Variants in BICC1 observed in about 807,000 individuals in gnomAD.
The protein encoded by BICC1 is BicC family RNA binding protein 1.
A neutral mutation model predicts 111.0 loss-of-function variants in BICC1; 43 were observed. The ratio of observed to expected loss-of-function variants is 0.39; its 90% confidence interval spans 0.30 to 0.50. BICC1 has a LOEUF of 0.50. Ranked by LOEUF, BICC1 falls within the 20% of genes least tolerant of loss-of-function variation. The probability of loss-of-function intolerance (pLI) is 0.88; values close to 1 mark genes in which losing one functional copy is unlikely to be tolerated. For synonymous variants in BICC1, 467 were observed against 434.4 expected, an observed-to-expected ratio of 1.07 and a Z score of -0.93; for missense variants, 1,091 against 1,203.2, an observed-to-expected ratio of 0.91 and a Z score of 1.38.
intron 2 of BICC1, among the ~76,000 whole-genome samples, chr10:58,651,018 C>T (rs950728881): frequency 1.3e-5 from 2 of 152,050 alleles, no homozygotes; most frequent in South Asian, 4.1e-4. Flanking sequence ...CTACTGGGCT[C>T]CCTCCTCACC....
At chr10:58,617,188 G>A (rs951094682) in intron 1 of BICC1, among the ~76,000 whole-genome samples, 2 of 152,246 alleles carry the variant, frequency 1.3e-5, no homozygotes, top group Non-Finnish European at 2.9e-5. Flanking sequence ...TGCCCTTCAG[G>A]CTCGTGAGAG....
chr10:58,579,049 C>T (rs1223859932), intron 1 of BICC1, among the ~76,000 whole-genome samples: 1 of 152,142 alleles, frequency 6.6e-6, no homozygotes, highest in Non-Finnish European at 1.5e-5. Context: ...ATGTTTCAGA[C>T]TTGTGCCCTG....
At chr10:58,728,268 T>C (rs1409204813) in intron 3 of BICC1, among the ~76,000 whole-genome samples, 1 of 152,240 alleles carries the variant, frequency 6.6e-6, no homozygotes, top group African/African-American at 2.4e-5. Context: ...CACTGCTTTA[T>C]CAACTAAGTT....
intron 2 of BICC1, among the ~76,000 whole-genome samples, chr10:58,638,122 C>T (rs1036702052): frequency 6.6e-6 from 1 of 151,872 alleles, no homozygotes; most frequent in Non-Finnish European, 1.5e-5. Flanking sequence ...TTAACTAATA[C>T]GATGACTTTT....
chr10:58,755,686 A>G (rs1421090524), intron 3 of BICC1, among the ~76,000 whole-genome samples: 1 of 147,326 alleles, frequency 6.8e-6, no homozygotes, highest in Non-Finnish European at 1.5e-5. Context: ...TCTCCTTTTT[A>G]TTTTTTTTTT....
In BICC1 at chr10:58,747,431, A is replaced by G. The variant is rs576768627; in HGVS notation, c.308-37570A>G. Among the ~76,000 whole-genome samples, 36 of 152,272 alleles carry G rather than the reference A, an allele frequency of 2.4e-4. 1 individual carries two copies. In the South Asian group the frequency reaches 6.8e-3, roughly 29 times the overall value. The stretch of plus-strand genomic sequence containing the variant: ...ATGTAAGAGATAAGTATGCAGAAAT[A>G]GTTATTCATTTCTTAGGGGTTTATA... On this transcript the variant is annotated intron_variant, in intron 3 of 20. Transcript: ENST00000373886.
intron 2 of BICC1, among the ~76,000 whole-genome samples, chr10:58,630,332 G>A (rs1339877697): frequency 6.6e-6 from 1 of 152,146 alleles, no homozygotes; most frequent in Non-Finnish European, 1.5e-5. Context: ...GAAGCATGAA[G>A]CAGAAGACAG....
intron 1 of BICC1, among the ~76,000 whole-genome samples, chr10:58,534,674 A>T (rs756116628): frequency 1.3e-5 from 2 of 151,702 alleles, no homozygotes; most frequent in Non-Finnish European, 2.9e-5. Flanking sequence ...TTCTGGCAAT[A>T]TGAAAAAACA....
chr10:58,794,567 T>G (rs902105501), intron 9 of BICC1, among the ~76,000 whole-genome samples: 65 of 151,902 alleles, frequency 4.3e-4, no homozygotes, highest in African/African-American at 1.5e-3. Flanking sequence ...CACAGGCATG[T>G]GCCACCACAC....
chr10:58,572,026 G>A (rs891172953), intron 1 of BICC1, among the ~76,000 whole-genome samples: 3 of 151,994 alleles, frequency 2.0e-5, no homozygotes, highest in Non-Finnish European at 2.9e-5. Context: ...AATAATAGCT[G>A]TTTTGACTAG....
chr10:58,631,250 C>T (rs1455517350), intron 2 of BICC1, among the ~76,000 whole-genome samples: 7 of 152,122 alleles, frequency 4.6e-5, no homozygotes, highest in East Asian at 1.9e-4. Flanking sequence ...TTGATAGTTA[C>T]GGAGAATGCT....
At chr10:58,517,848 G>C (rs1422174403) in intron 1 of BICC1, among the ~76,000 whole-genome samples, 1 of 152,182 alleles carries the variant, frequency 6.6e-6, no homozygotes, top group Non-Finnish European at 1.5e-5. Flanking sequence ...AGGAAGTGCT[G>C]AATAAGCTAA....
intron 1 of BICC1, among the ~76,000 whole-genome samples, chr10:58,525,686 C>T (rs1842516709): frequency 8.3e-6 from 1 of 120,402 alleles, no homozygotes; most frequent in Admixed American, 1.1e-4. Flanking sequence ...ACGTTGTGTA[C>T]ATGTACCCTA....
At position 58,828,920 on chromosome 10, in the gene BICC1, C is replaced by A. The variant is rs1177827619; in HGVS notation, c.*29C>A. On this transcript the variant is annotated 3_prime_UTR_variant, in exon 21 of 21. Transcript: ENST00000373886. ...CACCCTCTTGGCACATGCCCGCTGACTAACTGTAAAGTGGACACAGGAGAT... is the reference window on the plus strand; with the variant it reads ...CACCCTCTTGGCACATGCCCGCTGAATAACTGTAAAGTGGACACAGGAGAT... The A allele has an allele frequency of 1.9e-6, 3 of 1,612,438 alleles. No homozygotes were observed. The highest frequency in any genetic ancestry group is 2.5e-6 in the Non-Finnish European group (3 of 1,179,230).
chr10:58,773,054 A>T (rs1056181887), intron 3 of BICC1, among the ~76,000 whole-genome samples: 1 of 152,210 alleles, frequency 6.6e-6, no homozygotes, highest in African/African-American at 2.4e-5. Context: ...ATTAAAATGC[A>T]TTTGCATAGC....
At chr10:58,810,990 ACT>A (rs756434119) in intron 17 of BICC1, among the ~76,000 whole-genome samples, 4 of 152,044 alleles carry the variant, frequency 2.6e-5, no homozygotes, top group Admixed American at 1.3e-4. Flanking sequence ...GATACTTCAA[ACT>A]CTGTATTCAA....
intron 3 of BICC1, among the ~76,000 whole-genome samples, chr10:58,768,235 A>G (rs1470233761): frequency 6.6e-6 from 1 of 152,292 alleles, no homozygotes; most frequent in Non-Finnish European, 1.5e-5. Flanking sequence ...TGTCAGTTAG[A>G]CTATCAATAA....
chr10:58,523,002 A>G (rs1842434110), intron 1 of BICC1, among the ~76,000 whole-genome samples: 1 of 152,202 alleles, frequency 6.6e-6, no homozygotes, highest in Non-Finnish European at 1.5e-5. Flanking sequence ...AGACTAAACC[A>G]GGAAGAAGTT....
intron 1 of BICC1, among the ~76,000 whole-genome samples, chr10:58,584,091 C>G (rs1291967073): frequency 6.7e-6 from 1 of 148,400 alleles, no homozygotes; most frequent in Non-Finnish European, 1.5e-5. Flanking sequence ...CACACACACA[C>G]ACACACACAG....
Sources: allele counts gnomAD v4.1 joint callset (sites outside exome capture counted in the v4.1 genomes callset), GRCh38; gene constraint gnomAD v4.1.1; transcripts MANE v1.5; gene names NCBI Gene and HGNC (gene_info 2026-07-23, HGNC 2026-07-21).